PDE3A: variants seen among roughly 807,000 people sequenced by gnomAD.
PDE3A encodes the protein phosphodiesterase 3A, also known as cGMP-inhibited 3',5'-cyclic phosphodiesterase 3A.
A neutral mutation model predicts 98.3 loss-of-function variants in PDE3A; 43 were observed. The ratio of observed to expected loss-of-function variants is 0.44; its 90% CI spans 0.34 to 0.56. The LOEUF (loss-of-function observed/expected upper bound fraction) is 0.56, where lower values mean the gene tolerates loss of function less well. Ranked by LOEUF, PDE3A falls within the 20% of genes least tolerant of loss-of-function variation. The probability of loss-of-function intolerance (pLI) is 0.01; values close to 1 mark genes in which losing one functional copy is unlikely to be tolerated. For missense variants in PDE3A, 1,427 were observed against 1,440.7 expected (o/e 0.99, Z 0.15); for synonymous variants, 663 against 567.9 (o/e 1.17, Z -2.38).
intron 1 of PDE3A, among the ~76,000 whole-genome samples, chr12:20,488,876 C>T (rs1945777615): frequency 8.7e-6 from 1 of 114,404 alleles, no homozygotes; most frequent in Non-Finnish European, 1.9e-5. Context: ...GAGTCCCTGT[C>T]TCCAAAAAAA....
At chr12:20,629,142 T>C (rs953301075) in intron 5 of PDE3A, among the ~76,000 whole-genome samples, 1 of 152,082 alleles carries the variant, frequency 6.6e-6, no homozygotes, top group Admixed American at 6.6e-5. Flanking sequence ...TGGGAGAGAG[T>C]AACTTCAAAA....
chr12:20,664,851 C>T (rs1172512960), intron 15 of PDE3A, among the ~76,000 whole-genome samples: 1 of 151,958 alleles, frequency 6.6e-6, no homozygotes, highest in Non-Finnish European at 1.5e-5. Flanking sequence ...ACTAACACAC[C>T]CTCAAATATA....
intron 1 of PDE3A, among the ~76,000 whole-genome samples, chr12:20,402,049 A>G (rs1944141894): frequency 6.6e-6 from 1 of 152,214 alleles, no homozygotes; most frequent in Admixed American, 6.5e-5. Flanking sequence ...TTCAGTATGT[A>G]TCTGTGGAGC....
At chr12:20,592,878 G>C (rs181393435) in intron 2 of PDE3A, among the ~76,000 whole-genome samples, 2 of 152,134 alleles carry the variant, frequency 1.3e-5, no homozygotes, top group Non-Finnish European at 2.9e-5. Context: ...AAACAGTTGA[G>C]AACCATTTGT....
chr12:20,554,161 T>C (rs1282313062), intron 1 of PDE3A, among the ~76,000 whole-genome samples: 2 of 151,072 alleles, frequency 1.3e-5, no homozygotes, highest in African/African-American at 4.8e-5. Context: ...AGCCTATACC[T>C]CAATAAAACA....
At chr12:20,457,927 A>G (rs1302160696) in intron 1 of PDE3A, among the ~76,000 whole-genome samples, 1 of 152,092 alleles carries the variant, frequency 6.6e-6, no homozygotes, top group Non-Finnish European at 1.5e-5. Flanking sequence ...TCACAATGTT[A>G]TTTATACAGT....
intron 15 of PDE3A, among the ~76,000 whole-genome samples, chr12:20,667,521 A>T (rs997703884): frequency 3.3e-5 from 5 of 152,160 alleles, no homozygotes; most frequent in African/African-American, 9.6e-5. Context: ...ACCACTTATT[A>T]AAAAAGATGT....
intron 1 of PDE3A, among the ~76,000 whole-genome samples, chr12:20,492,062 C>A (rs116201823): frequency 0.074 from 11,271 of 152,006 alleles, 913 homozygotes; most frequent in African/African-American, 0.21. Flanking sequence ...CTCACTGCAA[C>A]CTCCATCTCC....
At chr12:20,435,912 T>G (rs1591929539) in intron 1 of PDE3A, among the ~76,000 whole-genome samples, 1 of 152,282 alleles carries the variant, frequency 6.6e-6, no homozygotes, top group East Asian at 1.9e-4. Context: ...CTTTTTTGTT[T>G]TGTTTTGTTT....
intron 1 of PDE3A, among the ~76,000 whole-genome samples, chr12:20,502,461 A>G (rs1946041052): frequency 6.6e-6 from 1 of 152,136 alleles, no homozygotes; most frequent in Non-Finnish European, 1.5e-5. Flanking sequence ...CATAATTCAA[A>G]TGTTCCTTGC....
chr12:20,484,028 G>A (rs1945678768), intron 1 of PDE3A, among the ~76,000 whole-genome samples: 1 of 152,070 alleles, frequency 6.6e-6, no homozygotes, highest in Non-Finnish European at 1.5e-5. Flanking sequence ...TTAGTGAACA[G>A]TTTTTTGTTT....
At chr12:20,679,872 A>T (rs1945726165) in intron 15 of PDE3A, among the ~76,000 whole-genome samples, 158 bp from the exon 16 acceptor site, 1 of 103,306 alleles carries the variant, frequency 9.7e-6, no homozygotes, top group Non-Finnish European at 1.8e-5. Context: ...CAGTATTATA[A>T]TATATATATT....
Position 20,684,692 on chromosome 12 carries a change from G to T in PDE3A, c.*4421G>T, listed in dbSNP as rs1945904338. Reference sequence around the variant, plus strand: ...CAACAAAATTCAATTTTAAGATTAAGAAATCAGCAATTTTAGGTAAAGAAT... The same window carrying T: ...CAACAAAATTCAATTTTAAGATTAATAAATCAGCAATTTTAGGTAAAGAAT... On this transcript the variant is annotated 3_prime_UTR_variant, in exon 16 of 16. Coordinates refer to ENST00000359062, the MANE Select transcript of PDE3A (RefSeq NM_000921.5). Among the ~76,000 whole-genome samples the T allele has an allele frequency of 6.6e-6, 1 of 152,094 alleles. No homozygotes were observed. The highest frequency in any genetic ancestry group is 2.4e-5 in the African/African-American group (1 of 41,428).
chr12:20,613,737 T>C lies in PDE3A; in HGVS notation c.1269+37T>C, dbSNP rs562832896. 42 of 1,562,260 alleles carry C rather than the reference T, an allele frequency of 2.7e-5. No individual in the cohort carries two copies. In the East Asian group the frequency reaches 8.6e-4, roughly 32 times the overall value. On this transcript the variant is annotated intron_variant, in intron 3 of 15. Coordinates refer to ENST00000359062, the MANE Select transcript of PDE3A (RefSeq NM_000921.5). ...TGACATACCCCTTAAAGGGTTAAACTATTTTTTTTAATTGTCTTCTAGGTC... is the reference window on the plus strand; with the variant it reads ...TGACATACCCCTTAAAGGGTTAAACCATTTTTTTTAATTGTCTTCTAGGTC...
At chr12:20,605,596 C>A (rs1943692332) in intron 2 of PDE3A, among the ~76,000 whole-genome samples, 1 of 152,120 alleles carries the variant, frequency 6.6e-6, no homozygotes, top group African/African-American at 2.4e-5. Context: ...CCGCCCAGTT[C>A]TCTGATTTCA....
intron 7 of PDE3A, 108 bp downstream of exon 7, chr12:20,633,886 G>A (rs181895868): frequency 3.7e-4 from 233 of 636,982 alleles, no homozygotes; most frequent in Admixed American, 8.4e-4. Flanking sequence ...GGCGCTGGGA[G>A]ACGGGGTCTC....
At chr12:20,423,314 CTCTT>C (rs201821869) in intron 1 of PDE3A, among the ~76,000 whole-genome samples, 1,778 of 152,268 alleles carry the variant, frequency 0.012, 38 homozygotes, top group African/African-American at 0.041. Context: ...ATCAATCCCT[CTCTT>C]TCTTTCTGTT....
chr12:20,616,452 T>G (rs1053549941), intron 4 of PDE3A, 68 bp downstream of exon 4: 11 of 1,475,182 alleles, frequency 7.5e-6, no homozygotes, highest in Non-Finnish European at 9.3e-6. Context: ...AGTTATAAAT[T>G]ACAGGAGAAG....
At chr12:20,374,381 A>C (rs1943533240) in intron 1 of PDE3A, among the ~76,000 whole-genome samples, 1 of 152,072 alleles carries the variant, frequency 6.6e-6, no homozygotes, top group African/African-American at 2.4e-5. Context: ...CGAAAGTGTA[A>C]AAAGTTAAAA....
Sources: gnomAD v4.1 joint callset for allele counts (sites outside exome capture counted in the v4.1 genomes callset) on GRCh38, gnomAD v4.1.1 for gene constraint, MANE v1.5 for transcripts, NCBI Gene and HGNC (gene_info 2026-07-23, HGNC 2026-07-21) for gene names.